The following BLK variants were observed in gnomAD, a reference collection of about 807,000 sequenced individuals.
BLK encodes the protein BLK proto-oncogene, Src family tyrosine kinase.
In BLK, 64 loss-of-function variants were observed where a neutral mutation model predicts 61.8. The ratio of observed to expected loss-of-function variants is 1.03; its 90% confidence interval spans 0.85 to 1.27. BLK has a LOEUF of 1.27. Ranked by LOEUF, BLK falls within the 50% of genes most tolerant of loss-of-function variation. The probability of loss-of-function intolerance (pLI) is 0.00; values close to 1 mark genes in which losing one functional copy is unlikely to be tolerated. For missense variants in BLK, 853 were observed against 660.5 expected, an observed-to-expected ratio of 1.29 and a Z score of -3.19; for synonymous variants, 351 against 272.0, an observed-to-expected ratio of 1.29 and a Z score of -2.86.
At chr8:11,540,772 C>T (rs753859215) in intron 1 of BLK, among the ~76,000 whole-genome samples, 3 of 151,608 alleles carry the variant, frequency 2.0e-5, no homozygotes, top group Non-Finnish European at 4.4e-5. Flanking sequence ...GAAAGGGCCC[C>T]AGACACAGAT....
chr8:11,558,057 G>A lies in BLK; in HGVS notation c.1029+19G>A, dbSNP rs746846364. On this transcript the variant is annotated intron_variant, in intron 10 of 12. Transcript: ENST00000259089. ...GGCGCAGGTTGGTGAAGTACCAGGT[G>A]CAGAGAAAGGGCGGCATGTGCCACC... is the stretch of plus-strand genomic sequence containing the variant. 12 of 1,613,316 alleles carry A rather than the reference G, an allele frequency of 7.4e-6. No individual in the cohort carries two copies. The African/African-American group carries it at 1.6e-4, about 22-fold the overall frequency.
intron 9 of BLK, 90 bp downstream of exon 9, chr8:11,556,927 A>T (rs1377724991): frequency 5.7e-6 from 7 of 1,234,652 alleles, no homozygotes; most frequent in Admixed American, 2.4e-5. Flanking sequence ...TGGGTTCACC[A>T]GGCCAGGGGG....
intron 1 of BLK, among the ~76,000 whole-genome samples, chr8:11,542,298 G>C (rs1006441386): frequency 1.3e-5 from 2 of 152,218 alleles, no homozygotes; most frequent in Non-Finnish European, 2.9e-5. Context: ...GTCCATCTTA[G>C]AATTGATGAA....
intron 1 of BLK, among the ~76,000 whole-genome samples, chr8:11,536,850 C>G (rs1176806620): frequency 6.6e-6 from 1 of 152,256 alleles, no homozygotes; most frequent in African/African-American, 2.4e-5. Flanking sequence ...TCACAAAACA[C>G]TTTACCCAGG....
intron 12 of BLK, among the ~76,000 whole-genome samples, chr8:11,563,575 G>A (rs1353036704): frequency 6.6e-6 from 1 of 152,190 alleles, no homozygotes; most frequent in Non-Finnish European, 1.5e-5. Context: ...TGTGCACCTG[G>A]CAGCTGCCCA....
At chr8:11,538,385 C>T (rs571102845) in intron 1 of BLK, among the ~76,000 whole-genome samples, 5 of 152,310 alleles carry the variant, frequency 3.3e-5, no homozygotes, top group Non-Finnish European at 5.9e-5. Flanking sequence ...CTTGAGGAAC[C>T]CAGGTCTCCA....
chr8:11,531,368 T>C, intron 1 of BLK, among the ~76,000 whole-genome samples: 1 of 152,082 alleles, frequency 6.6e-6, no homozygotes, highest in East Asian at 1.9e-4. Context: ...TCTAAGGGAA[T>C]AATCTATTCT....
chr8:11,544,572 TGAGTA>T (rs1800536416), intron 2 of BLK, among the ~76,000 whole-genome samples: 1 of 152,206 alleles, frequency 6.6e-6, no homozygotes, highest in African/African-American at 2.4e-5. Flanking sequence ...TTAGACTGAT[TGAGTA>T]ATTTCCCCAA....
intron 1 of BLK, among the ~76,000 whole-genome samples, chr8:11,518,828 C>T (rs1483907006): frequency 6.6e-6 from 1 of 152,184 alleles, no homozygotes; most frequent in Non-Finnish European, 1.5e-5. Flanking sequence ...CCTCTTTCTG[C>T]TCTGGGAATC....
intron 6 of BLK, chr8:11,552,943 T>C (rs1420018094): frequency 6.5e-6 from 1 of 153,932 alleles, no homozygotes; most frequent in Non-Finnish European, 1.4e-5. Flanking sequence ...TGCACACATA[T>C]ACACACATGT....
intron 1 of BLK, among the ~76,000 whole-genome samples, chr8:11,517,911 C>G (rs1032982029): frequency 2.0e-5 from 3 of 152,302 alleles, no homozygotes; most frequent in Admixed American, 6.5e-5. Flanking sequence ...ATGCATTTTC[C>G]CATAGCATTG....
rs370181253 is a variant in BLK at position 11,526,286 on chromosome 8, A to G, written c.-1-16938A>G. Among the ~76,000 whole-genome samples, 78 of 152,350 alleles carry G rather than the reference A, an allele frequency of 5.1e-4. 1 individual carries two copies. In the South Asian group the frequency reaches 9.3e-3, roughly 18 times the overall value. On this transcript the variant is annotated intron_variant, in intron 1 of 12. Coordinates refer to ENST00000259089, the MANE Select transcript of BLK (RefSeq NM_001715.3). ...CTAGTGATTGGCTTTATGACTTTAA[A>G]TAATATATTTAAATGTTTACGTCTC...
intron 1 of BLK, among the ~76,000 whole-genome samples, chr8:11,501,161 G>T (rs1374884365): frequency 6.6e-6 from 1 of 152,124 alleles, no homozygotes; most frequent in Non-Finnish European, 1.5e-5. Context: ...AGCTGAGACT[G>T]CCGCTGCACT....
intron 1 of BLK, among the ~76,000 whole-genome samples, chr8:11,521,745 G>A (rs777796872): frequency 1.7e-4 from 26 of 152,206 alleles, no homozygotes; most frequent in Non-Finnish European, 3.2e-4. Context: ...GCATGTGCAT[G>A]AGGGTCCGTC....
chr8:11,554,316 A>ATGGC (rs1439268759), intron 6 of BLK: 1 of 253,514 alleles, frequency 3.9e-6, no homozygotes, highest in Admixed American at 4.8e-5. Context: ...GCAGCTGTGA[A>ATGGC]TGGCTATCTG....
At chr8:11,530,063 A>G (rs1799825178) in intron 1 of BLK, among the ~76,000 whole-genome samples, 2 of 152,218 alleles carry the variant, frequency 1.3e-5, no homozygotes, top group South Asian at 4.1e-4. Context: ...AGACCAATTT[A>G]TTTGCAAAAT....
intron 2 of BLK, among the ~76,000 whole-genome samples, chr8:11,544,211 T>C (rs1209060995): frequency 6.6e-6 from 1 of 152,196 alleles, no homozygotes; most frequent in South Asian, 2.1e-4. Flanking sequence ...GTGATCCACC[T>C]GCCTTGGCCT....
chr8:11,556,356 G>A (rs572230426), intron 8 of BLK: 4 of 447,918 alleles, frequency 8.9e-6, no homozygotes, highest in East Asian at 4.5e-5. Flanking sequence ...CATTATGTAG[G>A]GGAGGGGTGG....
intron 1 of BLK, among the ~76,000 whole-genome samples, chr8:11,510,816 AATAC>A (rs1236178844): frequency 6.2e-5 from 8 of 128,434 alleles, no homozygotes; most frequent in Non-Finnish European, 1.1e-4. Context: ...TAAATAAATA[AATAC>A]ATAAATAAAG....
Sources: gnomAD v4.1 joint callset for allele counts (sites outside exome capture counted in the v4.1 genomes callset) on GRCh38, gnomAD v4.1.1 for gene constraint, MANE v1.5 for transcripts, NCBI Gene and HGNC (gene_info 2026-07-23, HGNC 2026-07-21) for gene names.